The following ITFG1 variants were observed in gnomAD, a reference collection of about 807,000 sequenced individuals.
ITFG1 encodes T-cell immunomodulatory protein.
Under a neutral mutation model 81.8 loss-of-function variants are expected in ITFG1, and 34 were observed. That is an observed-to-expected ratio of 0.42 (90% CI 0.32 to 0.55). ITFG1 has a LOEUF of 0.55. Ranked by LOEUF, ITFG1 falls within the 20% of genes least tolerant of loss-of-function variation. ITFG1 has a pLI of 0.17. For synonymous variants in ITFG1, 285 were observed against 270.6 expected, an observed-to-expected ratio of 1.05 and a Z score of -0.52; for missense variants, 672 against 755.4, an observed-to-expected ratio of 0.89 and a Z score of 1.29.
chr16:47,200,770 A>C (rs1965415223), intron 14 of ITFG1, among the ~76,000 whole-genome samples: 1 of 152,186 alleles, frequency 6.6e-6, no homozygotes, highest in Non-Finnish European at 1.5e-5. Flanking sequence ...GCCCCATAGC[A>C]GACCTACTCA....
Position 47,280,828 on chromosome 16 carries a change from A to G in ITFG1, c.1071-20133T>C, listed in dbSNP as rs371707175. On this transcript the variant is annotated intron_variant, in intron 10 of 17. Transcript: ENST00000320640. ...GCCAATGACTGAATCAATCATGCCTACGTAATGAAGCCTCCCTAAAAACCT... is the reference window on the plus strand; with the variant it reads ...GCCAATGACTGAATCAATCATGCCTGCGTAATGAAGCCTCCCTAAAAACCT... Among the ~76,000 whole-genome samples, 12 of 152,220 alleles carry G rather than the reference A, an allele frequency of 7.9e-5. No individual in the cohort carries two copies. The East Asian group carries it at 9.7e-4, about 12-fold the overall frequency.
chr16:47,305,482 A>G (rs1461920279), intron 10 of ITFG1, among the ~76,000 whole-genome samples: 1 of 152,184 alleles, frequency 6.6e-6, no homozygotes, highest in Non-Finnish European at 1.5e-5. Flanking sequence ...TTCTAATATG[A>G]GCTTTAGAAA....
intron 6 of ITFG1, among the ~76,000 whole-genome samples, chr16:47,382,642 C>T (rs899072574): frequency 4.4e-4 from 53 of 120,670 alleles, no homozygotes; most frequent in African/African-American, 1.6e-3. Flanking sequence ...AAATCATGAT[C>T]AGAAGTCGGG....
chr16:47,380,048 CAAAAAAAA>C lies in ITFG1; in HGVS notation c.656-4116_656-4109del, dbSNP rs763213367. Among the ~76,000 whole-genome samples, 3 of 49,102 alleles carry C rather than the reference CAAAAAAAA, an allele frequency of 6.1e-5. No individual in the cohort carries two copies. In the South Asian group the frequency reaches 2.3e-3, roughly 37 times the overall value. The allele number at this position is 49,102 out of a possible 152,430, so 32.2% of individuals were successfully genotyped here. On this transcript the variant is annotated intron_variant, in intron 6 of 17. Coordinates refer to ENST00000320640, the MANE Select transcript of ITFG1 (RefSeq NM_030790.5). Reference sequence around the variant, plus strand: ...AAAGGAAGAGGGTCTCTTGGGTAGCCAAAAAAAAAAAAAAAAAAAAAGAGGTTCTCACA... The same window carrying C: ...AAAGGAAGAGGGTCTCTTGGGTAGCCAAAAAAAAAAAAAGAGGTTCTCACA...
chr16:47,308,587 C>A (rs1967206434), intron 10 of ITFG1, among the ~76,000 whole-genome samples: 1 of 152,122 alleles, frequency 6.6e-6, no homozygotes, highest in South Asian at 2.1e-4. Context: ...AGATAATAAC[C>A]AACCCATGAA....
chr16:47,188,003 C>A (rs1337064562), intron 14 of ITFG1, among the ~76,000 whole-genome samples: 1 of 152,044 alleles, frequency 6.6e-6, no homozygotes, highest in Non-Finnish European at 1.5e-5. Flanking sequence ...CCAAAAAACA[C>A]ATGAAAAAAT....
intron 8 of ITFG1, among the ~76,000 whole-genome samples, chr16:47,341,423 A>G (rs1396137136): frequency 6.7e-6 from 1 of 150,166 alleles, no homozygotes; most frequent in African/African-American, 2.4e-5. Flanking sequence ...AAAAGAAAAA[A>G]AAAAAGAAAA....
intron 10 of ITFG1, among the ~76,000 whole-genome samples, chr16:47,294,949 G>A (rs1386594273): frequency 6.6e-6 from 1 of 152,052 alleles, no homozygotes; most frequent in South Asian, 2.1e-4. Flanking sequence ...AGTTCTTCGG[G>A]GAAGAGCTTT....
intron 12 of ITFG1, 133 bp from the exon 13 acceptor site, chr16:47,238,141 A>G: frequency 1.7e-6 from 1 of 586,836 alleles, no homozygotes; most frequent in African/African-American, 2.0e-5. Flanking sequence ...CAATTTCTTT[A>G]GATCTGAGCA....
intron 10 of ITFG1, among the ~76,000 whole-genome samples, chr16:47,276,119 T>C (rs1389132588): frequency 6.6e-6 from 1 of 152,158 alleles, no homozygotes; most frequent in Non-Finnish European, 1.5e-5. Flanking sequence ...AGATCATTTT[T>C]ATTTTCAAAT....
At chr16:47,233,442 T>G (rs1332590587) in intron 13 of ITFG1, among the ~76,000 whole-genome samples, 1 of 152,196 alleles carries the variant, frequency 6.6e-6, no homozygotes, top group African/African-American at 2.4e-5. Flanking sequence ...GGGGGAACCC[T>G]CACACTTACA....
intron 6 of ITFG1, among the ~76,000 whole-genome samples, chr16:47,396,697 G>A (rs1377824557): frequency 6.6e-6 from 1 of 152,122 alleles, no homozygotes. Flanking sequence ...GATGAGGGAT[G>A]AGTGGATATA....
intron 14 of ITFG1, among the ~76,000 whole-genome samples, chr16:47,176,013 C>T (rs1219816604): frequency 6.6e-6 from 1 of 152,130 alleles, no homozygotes; most frequent in African/African-American, 2.4e-5. Flanking sequence ...TAAAGTTGGG[C>T]TGTTGATGCA....
intron 6 of ITFG1, among the ~76,000 whole-genome samples, chr16:47,405,509 G>A (rs146651281): frequency 6.6e-6 from 1 of 152,290 alleles, no homozygotes; most frequent in Non-Finnish European, 1.5e-5. Context: ...AAACGTACAT[G>A]TGCATTTAAT....
intron 8 of ITFG1, among the ~76,000 whole-genome samples, chr16:47,320,055 A>G (rs1188700615): frequency 6.6e-6 from 1 of 152,120 alleles, no homozygotes. Flanking sequence ...CCAAGTACCC[A>G]GGATTATGGG....
chr16:47,384,507 C>T (rs1300446827), intron 6 of ITFG1, among the ~76,000 whole-genome samples: 1 of 152,118 alleles, frequency 6.6e-6, no homozygotes, highest in Non-Finnish European at 1.5e-5. Flanking sequence ...AATAACCTGT[C>T]TCTAAGGTTT....
chr16:47,364,961 G>A (rs1162714494), intron 8 of ITFG1, among the ~76,000 whole-genome samples: 1 of 152,234 alleles, frequency 6.6e-6, no homozygotes. Flanking sequence ...CTATAGGCGA[G>A]AGCCACTGTA....
intron 8 of ITFG1, among the ~76,000 whole-genome samples, chr16:47,348,544 G>C (rs1005124511): frequency 6.6e-6 from 1 of 152,172 alleles, no homozygotes; most frequent in Non-Finnish European, 1.5e-5. Flanking sequence ...AAGCCTCCAA[G>C]AAATATGGGA....
At chr16:47,434,943 C>T (rs572290822) in intron 5 of ITFG1, among the ~76,000 whole-genome samples, 1 of 152,310 alleles carries the variant, frequency 6.6e-6, no homozygotes, top group Middle Eastern at 3.4e-3. Context: ...CCAAACATTA[C>T]ATGTTCTCAC....
Sources: allele counts gnomAD v4.1 joint callset (sites outside exome capture counted in the v4.1 genomes callset), GRCh38; gene constraint gnomAD v4.1.1; transcripts MANE v1.5; gene names NCBI Gene and HGNC (gene_info 2026-07-23, HGNC 2026-07-21).